The following ACYP2 variants were observed in gnomAD, a reference collection of about 807,000 sequenced individuals.
ACYP2 encodes acylphosphatase 2.
ACYP2 carries 12 observed loss-of-function variants against 11.2 expected under a neutral mutation model. That is an observed-to-expected ratio of 1.08 (90% CI 0.69 to 1.74). The LOEUF (loss-of-function observed/expected upper bound fraction) is 1.74, where lower values mean the gene tolerates loss of function less well. ACYP2 is among the 40% of genes most tolerant of loss of function. The pLI, the probability that ACYP2 is intolerant of heterozygous loss-of-function variation, is 0.00. For missense variants in ACYP2, 134 were observed against 101.9 expected, an observed-to-expected ratio of 1.31 and a Z score of -1.35; for synonymous variants, 43 against 32.2, an observed-to-expected ratio of 1.33 and a Z score of -1.13.
At chr2:54,204,986 TCTC>T (rs1257528210) in intron 6 of ACYP2, among the ~76,000 whole-genome samples, 3 of 152,168 alleles carry the variant, frequency 2.0e-5, no homozygotes, top group Admixed American at 6.5e-5. Context: ...ATAGGCACCT[TCTC>T]CTTGAGTTTT....
At chr2:54,234,771 T>C (rs1029981925) in intron 6 of ACYP2, among the ~76,000 whole-genome samples, 2 of 152,246 alleles carry the variant, frequency 1.3e-5, no homozygotes, top group Non-Finnish European at 2.9e-5. Context: ...AAATGAGTTA[T>C]CCATTTGTAC....
At chr2:54,275,325 G>A (rs1166291802) in intron 6 of ACYP2, among the ~76,000 whole-genome samples, 1 of 152,120 alleles carries the variant, frequency 6.6e-6, no homozygotes, top group Non-Finnish European at 1.5e-5. Context: ...TTTAGGTCTC[G>A]TTATCTGTCC....
At chr2:54,078,975 A>G (rs1198912998) in intron 4 of ACYP2, among the ~76,000 whole-genome samples, 1 of 152,226 alleles carries the variant, frequency 6.6e-6, no homozygotes, top group Non-Finnish European at 1.5e-5. Context: ...GTAGGCATAT[A>G]TTGTTTGTTT....
chr2:54,201,930 ACTC>A (rs1367558960), intron 6 of ACYP2, among the ~76,000 whole-genome samples: 1 of 149,640 alleles, frequency 6.7e-6, no homozygotes, highest in African/African-American at 2.5e-5. Context: ...CTGGTCTTAA[ACTC>A]CTGACCTGAG....
At chr2:54,020,289 C>A (rs1271588571) in intron 2 of ACYP2, among the ~76,000 whole-genome samples, 1 of 152,182 alleles carries the variant, frequency 6.6e-6, no homozygotes, top group Admixed American at 6.5e-5. Context: ...ATTAATAAAA[C>A]TGTAATTGTG....
At chr2:54,014,771 A>G (rs909631471) in intron 2 of ACYP2, among the ~76,000 whole-genome samples, 29 of 151,390 alleles carry the variant, frequency 1.9e-4, no homozygotes, top group Admixed American at 1.7e-3. Flanking sequence ...TTATTTATTT[A>G]TCTTTCAAGA....
chr2:54,047,851 C>T (rs964615396), intron 2 of ACYP2, among the ~76,000 whole-genome samples: 46 of 152,206 alleles, frequency 3.0e-4, no homozygotes, highest in African/African-American at 9.2e-4. Flanking sequence ...TACCATACCA[C>T]GATAAGAAAT....
intron 6 of ACYP2, among the ~76,000 whole-genome samples, chr2:54,192,868 C>G (rs892378194): frequency 1.8e-4 from 28 of 152,234 alleles, no homozygotes; most frequent in African/African-American, 5.3e-4. Context: ...ACTTATAAAA[C>G]CATCAGATCT....
At chr2:54,251,301 G>T (rs893374443) in intron 6 of ACYP2, among the ~76,000 whole-genome samples, 1 of 152,054 alleles carries the variant, frequency 6.6e-6, no homozygotes, top group Middle Eastern at 3.2e-3. Context: ...CCAAAAAGAT[G>T]TGCAGCATAC....
intron 6 of ACYP2, among the ~76,000 whole-genome samples, chr2:54,176,704 C>G (rs964941114): frequency 5.3e-5 from 8 of 152,130 alleles, no homozygotes; most frequent in Admixed American, 2.0e-4. Flanking sequence ...CGATGACATG[C>G]TTAGTTGCTC....
At chr2:54,094,210 C>G (rs1211765193) in intron 4 of ACYP2, among the ~76,000 whole-genome samples, 1 of 150,974 alleles carries the variant, frequency 6.6e-6, no homozygotes. Context: ...GAGAAGAAGA[C>G]ATGGTGGGGA....
At chr2:54,156,211 T>C (rs1454721729) in intron 6 of ACYP2, among the ~76,000 whole-genome samples, 1 of 152,182 alleles carries the variant, frequency 6.6e-6, no homozygotes, top group Admixed American at 6.5e-5. Flanking sequence ...TGTTTATTTT[T>C]TATGTAATCT....
rs1203130787 is a variant in ACYP2, at chr2:54,201,612, C to CTT, written c.404+62866_404+62867dup. On this transcript the variant is annotated intron_variant, in intron 6 of 6. Transcript: ENST00000607452. Reference sequence around the variant, plus strand: ...TTTCTTTCTCTTTCTTTCTTTCTTTCTTTCTTTCTTTGTTTCTTTCTTTCT... The same window carrying CTT: ...TTTCTTTCTCTTTCTTTCTTTCTTTCTTTTTCTTTCTTTGTTTCTTTCTTTCT... 5.9e-3 allele frequency among the ~76,000 whole-genome samples: 461 copies of CTT among 77,784 alleles called. 3 individuals carry two copies. The highest frequency in any genetic ancestry group is 0.011 in the Middle Eastern group (2 of 174). The allele number at this position is 77,784 out of a possible 152,430, so 51.0% of individuals were successfully genotyped here.
intron 6 of ACYP2, among the ~76,000 whole-genome samples, chr2:54,237,642 C>T (rs917899502): frequency 6.6e-6 from 1 of 152,108 alleles, no homozygotes; most frequent in African/African-American, 2.4e-5. Context: ...ATACTTGCAC[C>T]TTTGATGTTA....
intron 2 of ACYP2, among the ~76,000 whole-genome samples, chr2:54,018,397 C>G (rs984762352): frequency 6.6e-5 from 10 of 152,164 alleles, no homozygotes; most frequent in Admixed American, 1.3e-4. Context: ...ACCCAATGAA[C>G]ACAAAACTTT....
At chr2:54,040,483 C>T (rs1480750374) in intron 2 of ACYP2, among the ~76,000 whole-genome samples, 1 of 151,752 alleles carries the variant, frequency 6.6e-6, no homozygotes, top group East Asian at 1.9e-4. Flanking sequence ...AGGAGATTGC[C>T]AAATGAGTCA....
intron 2 of ACYP2, among the ~76,000 whole-genome samples, chr2:53,992,219 C>T (rs1672337018): frequency 6.7e-6 from 1 of 149,116 alleles, no homozygotes; most frequent in East Asian, 2.0e-4. Context: ...CTTCTTTCTC[C>T]TTCCTTCCTT....
intron 4 of ACYP2, among the ~76,000 whole-genome samples, chr2:54,067,856 C>T (rs1184751595): frequency 4.6e-5 from 7 of 152,166 alleles, no homozygotes; most frequent in Non-Finnish European, 7.4e-5. Flanking sequence ...TTGCCTTTTC[C>T]AAATAAAGGC....
chr2:54,153,476 CA>C lies in ACYP2; in HGVS notation c.404+14729del, dbSNP rs1460948885. Among the ~76,000 whole-genome samples the C allele has an allele frequency of 1.6e-3, 131 of 80,386 alleles. 1 individual carries two copies. Among genetic ancestry groups the C allele is most frequent in the African/African-American group, 5.0e-3 (118 of 23,474 alleles). 52.7% of individuals were successfully genotyped at this position (80,386 alleles called of 152,430 possible). A position where few individuals can be genotyped will look rare whatever the true frequency, so the allele number is the denominator to read the frequency against. ...CTACTTAGGGTTTTTTTTTTTTTTTCATGTGTGTGTGGTTCTATATAAATTT... is the reference window on the plus strand; with the variant it reads ...CTACTTAGGGTTTTTTTTTTTTTTTCTGTGTGTGTGGTTCTATATAAATTT... On this transcript the variant is annotated intron_variant, in intron 6 of 6. Transcript: ENST00000607452.
Sources: gnomAD v4.1 joint callset for allele counts (sites outside exome capture counted in the v4.1 genomes callset) on GRCh38, gnomAD v4.1.1 for gene constraint, MANE v1.5 for transcripts, NCBI Gene and HGNC (gene_info 2026-07-23, HGNC 2026-07-21) for gene names.